MAST2: variants seen among roughly 807,000 people sequenced by gnomAD.
The protein encoded by MAST2 is microtubule-associated serine/threonine-protein kinase 2.
Under a neutral mutation model 147.4 loss-of-function variants are expected in MAST2, and 70 were observed. The ratio of observed to expected loss-of-function variants is 0.47; its 90% confidence interval spans 0.39 to 0.58. The LOEUF is 0.58. Among genes scored for constraint, MAST2 ranks in the 20% least tolerant of loss-of-function variants. MAST2 has a pLI of 0.00. For missense variants in MAST2, 2,080 were observed against 2,302.3 expected, an observed-to-expected ratio of 0.90 and a Z score of 1.98; for synonymous variants, 869 against 896.8, an observed-to-expected ratio of 0.97 and a Z score of 0.55.
intron 4 of MAST2, among the ~76,000 whole-genome samples, chr1:45,942,772 A>T (rs1657490022): frequency 6.6e-6 from 1 of 152,234 alleles, no homozygotes; most frequent in Admixed American, 6.5e-5. Context: ...ATCTCCAGTG[A>T]TTAAGAATCT....
At chr1:45,945,078 T>TC (rs2148823375) in intron 4 of MAST2, among the ~76,000 whole-genome samples, 1 of 151,962 alleles carries the variant, frequency 6.6e-6, no homozygotes, top group African/African-American at 2.4e-5. Context: ...GGCAGGAGGG[T>TC]CACTTGAGCC....
At chr1:45,929,269 C>T (rs1654899008) in intron 4 of MAST2, among the ~76,000 whole-genome samples, 1 of 152,148 alleles carries the variant, frequency 6.6e-6, no homozygotes, top group African/African-American at 2.4e-5. Context: ...ATTGACTCAG[C>T]TTAGACTCTT....
Position 46,006,334 on chromosome 1 carries a change from A to G in MAST2, c.841A>G (p.Ser281Gly), listed in dbSNP as rs368837813. 7.1e-5 allele frequency: 114 copies of G among 1,613,886 alleles called. No individual in the cohort carries two copies. The highest frequency in any genetic ancestry group is 4.8e-4 in the Admixed American group (29 of 59,988). The stretch of plus-strand genomic sequence containing the variant: ...TTTGACGAAGCATTTCAGCACAGAG[A>G]GCGTACCAGATGAGGAAGGACGGCA... ...HFLTKHFSTE[S>G]VPDEEGRQSP... The change falls in exon 8 of 29, where the codon AGC becomes GGC. Residue 281 changes from serine (S) to glycine (G), a missense_variant. By Grantham distance (56) the Ser-to-Gly change is moderately conservative (BLOSUM62 0). Transcript: ENST00000361297.
intron 4 of MAST2, among the ~76,000 whole-genome samples, chr1:45,919,298 T>G (rs1385845999): frequency 6.6e-6 from 1 of 152,054 alleles, no homozygotes; most frequent in Non-Finnish European, 1.5e-5. Flanking sequence ...GGGGCAAGTT[T>G]TAGAGGTTGG....
intron 4 of MAST2, among the ~76,000 whole-genome samples, chr1:45,883,115 A>T (rs867691053): frequency 6.6e-6 from 1 of 152,172 alleles, no homozygotes; most frequent in African/African-American, 2.4e-5. Flanking sequence ...ATTTACCATG[A>T]TTTACTAGTA....
At chr1:45,810,171 T>C (rs1328352973) in intron 1 of MAST2, among the ~76,000 whole-genome samples, 1 of 152,246 alleles carries the variant, frequency 6.6e-6, no homozygotes, top group African/African-American at 2.4e-5. Flanking sequence ...TTTTGAATTT[T>C]GGTAATTTGA....
chr1:46,001,995 A>G (rs1645293511), intron 6 of MAST2, among the ~76,000 whole-genome samples: 1 of 152,194 alleles, frequency 6.6e-6, no homozygotes, highest in African/African-American at 2.4e-5. Flanking sequence ...ACAAAAAAGA[A>G]TACACCACAT....
intron 1 of MAST2, among the ~76,000 whole-genome samples, chr1:45,816,221 A>AAGAGAGAGAGAGAGAGAGAGAG (rs144287036): frequency 1.5e-5 from 2 of 134,828 alleles, no homozygotes; most frequent in Admixed American, 8.0e-5. Context: ...GAGAGAGAGA[A>AAGAGAGAGAGAGAGAGAGAGAG]AGAGAGAGAG....
intron 4 of MAST2, among the ~76,000 whole-genome samples, chr1:45,928,641 G>A (rs1421135630): frequency 6.6e-6 from 1 of 150,652 alleles, no homozygotes; most frequent in African/African-American, 2.4e-5. Context: ...GAGTGCAGTG[G>A]CACAATCACA....
intron 3 of MAST2, among the ~76,000 whole-genome samples, chr1:45,833,464 A>G (rs1227734705): frequency 6.6e-6 from 1 of 152,210 alleles, no homozygotes; most frequent in Non-Finnish European, 1.5e-5. Flanking sequence ...CCTTTTGGCT[A>G]TTATAAGTAA....
At chr1:45,817,866 A>G (rs1254099136) in intron 1 of MAST2, among the ~76,000 whole-genome samples, 1 of 152,226 alleles carries the variant, frequency 6.6e-6, no homozygotes, top group African/African-American at 2.4e-5. Flanking sequence ...ATCTTTATTA[A>G]TCAAAATAGG....
chr1:45,804,217 G>C, intron 1 of MAST2, 145 bp downstream of exon 1: 2 of 1,024,600 alleles, frequency 2.0e-6, no homozygotes, highest in Non-Finnish European at 2.5e-6. Context: ...GGGAGGCCGA[G>C]AAATGGGGAG....
chr1:45,980,802 C>A (rs1644375812), intron 5 of MAST2, among the ~76,000 whole-genome samples: 1 of 152,044 alleles, frequency 6.6e-6, no homozygotes, highest in East Asian at 1.9e-4. Context: ...TCCCAAAGTG[C>A]TAGAATTACA....
chr1:45,920,814 C>T (rs1211324779), intron 4 of MAST2, among the ~76,000 whole-genome samples: 2 of 152,022 alleles, frequency 1.3e-5, no homozygotes, highest in African/African-American at 4.8e-5. Flanking sequence ...ATTTAATTCT[C>T]AAAATACTCT....
At chr1:45,927,155 T>A (rs1654506706) in intron 4 of MAST2, among the ~76,000 whole-genome samples, 1 of 151,998 alleles carries the variant, frequency 6.6e-6, no homozygotes. Context: ...GTGACAGACA[T>A]CAAGTACTTA....
intron 7 of MAST2, 139 bp downstream of exon 7, chr1:46,003,022 G>A: frequency 1.2e-6 from 1 of 828,324 alleles, no homozygotes; most frequent in Non-Finnish European, 2.0e-6. Context: ...GATGTTGGGT[G>A]CAACAGAGGG....
chr1:45,904,832 A>T (rs1046579215), intron 4 of MAST2, among the ~76,000 whole-genome samples: 2 of 151,456 alleles, frequency 1.3e-5, no homozygotes, highest in Non-Finnish European at 2.9e-5. Context: ...TTTGAGAGAG[A>T]GGCCTTGCTC....
At chr1:45,915,318 A>T (rs992755316) in intron 4 of MAST2, among the ~76,000 whole-genome samples, 1 of 152,180 alleles carries the variant, frequency 6.6e-6, no homozygotes, top group Non-Finnish European at 1.5e-5. Context: ...GCTAATAAGT[A>T]GTTTGTATAT....
intron 4 of MAST2, among the ~76,000 whole-genome samples, chr1:45,934,308 C>A (rs1379848333): frequency 6.6e-6 from 1 of 152,174 alleles, no homozygotes; most frequent in East Asian, 1.9e-4. Context: ...CACGGTGAAA[C>A]CCCGTCTCTA....
Sources: gnomAD v4.1 joint callset for allele counts (sites outside exome capture counted in the v4.1 genomes callset) on GRCh38, gnomAD v4.1.1 for gene constraint, MANE v1.5 for transcripts, NCBI Gene and HGNC (gene_info 2026-07-23, HGNC 2026-07-21) for gene names.